SDK1: variants seen among roughly 807,000 people sequenced by gnomAD.
SDK1 encodes the protein sidekick cell adhesion molecule 1.
In SDK1, 157 loss-of-function variants were observed where a neutral mutation model predicts 245.5. That is an observed-to-expected ratio of 0.64 (90% confidence interval 0.56 to 0.73). The LOEUF (loss-of-function observed/expected upper bound fraction) is 0.73, where lower values mean the gene tolerates loss of function less well. Ranked by LOEUF, SDK1 falls within the 30% of genes least tolerant of loss-of-function variation. The pLI is 0.00. For synonymous variants in SDK1, 1,647 were observed against 1,278.5 expected, an observed-to-expected ratio of 1.29 and a Z score of -6.15; for missense variants, 3,583 against 3,002.3, an observed-to-expected ratio of 1.19 and a Z score of -4.52.
chr7:3,887,227 G>A (rs953833342), intron 5 of SDK1, among the ~76,000 whole-genome samples: 2 of 152,040 alleles, frequency 1.3e-5, no homozygotes, highest in Admixed American at 6.6e-5. Context: ...AGTAGCCCTG[G>A]CAAATCACAA....
chr7:3,698,284 T>C (rs1349645759), intron 4 of SDK1, among the ~76,000 whole-genome samples: 2 of 152,088 alleles, frequency 1.3e-5, no homozygotes, highest in Admixed American at 1.3e-4. Context: ...CCCATCAGAA[T>C]GGTAAGAAAG....
chr7:4,244,817 AG>A (rs1786745845), intron 43 of SDK1, among the ~76,000 whole-genome samples: 1 of 152,146 alleles, frequency 6.6e-6, no homozygotes, highest in African/African-American at 2.4e-5. Flanking sequence ...CGCATGACTG[AG>A]GGCCCCAGCC....
intron 44 of SDK1, among the ~76,000 whole-genome samples, chr7:4,247,630 G>A (rs903859423): frequency 2.0e-5 from 3 of 152,208 alleles, no homozygotes; most frequent in Admixed American, 6.5e-5. Flanking sequence ...CTGCTCTTTC[G>A]AGTATCCAGG....
chr7:3,515,618 A>G (rs991509097), intron 1 of SDK1, among the ~76,000 whole-genome samples: 9 of 152,214 alleles, frequency 5.9e-5, no homozygotes, highest in African/African-American at 2.2e-4. Flanking sequence ...TCCAAAATTT[A>G]AAACTGAAGG....
intron 1 of SDK1, among the ~76,000 whole-genome samples, chr7:3,436,464 C>G (rs1353646226): frequency 3.3e-5 from 5 of 152,042 alleles, no homozygotes; most frequent in Non-Finnish European, 7.4e-5. Flanking sequence ...TCATTCTAAT[C>G]TAATGATGAT....
In SDK1 at chr7:3,464,694, G is replaced by GTATATATATATA. The variant is rs1408954827; in HGVS notation, c.299-154383_299-154382insATATATATATAT. 2.9e-4 allele frequency among the ~76,000 whole-genome samples: 38 copies of GTATATATATATA among 131,650 alleles called. 2 individuals are homozygous for GTATATATATATA. The South Asian group carries it at 8.3e-3, about 29-fold the overall frequency. 86.4% of individuals were successfully genotyped at this position (131,650 alleles called of 152,430 possible). On this transcript the variant is annotated intron_variant, in intron 1 of 44. Coordinates refer to ENST00000404826, the MANE Select transcript of SDK1 (RefSeq NM_152744.4). ...TACATTATTCCCGTTCATTGTGTAT[G>GTATATATATATA]TATGTATATATATATATATATACAC... is the stretch of plus-strand genomic sequence containing the variant.
intron 14 of SDK1, among the ~76,000 whole-genome samples, chr7:3,999,326 C>G (rs1010439096): frequency 1.3e-5 from 2 of 152,294 alleles, no homozygotes; most frequent in South Asian, 4.1e-4. Flanking sequence ...CCAGGAGATA[C>G]CAGGAAGAGC....
chr7:3,993,482 A>G (rs1163165290), intron 14 of SDK1, among the ~76,000 whole-genome samples: 9 of 152,222 alleles, frequency 5.9e-5, no homozygotes, highest in Non-Finnish European at 1.3e-4. Flanking sequence ...TAATAGGATG[A>G]GTGTTCGTAA....
At chr7:3,403,775 C>T (rs1166811499) in intron 1 of SDK1, among the ~76,000 whole-genome samples, 1 of 137,108 alleles carries the variant, frequency 7.3e-6, no homozygotes, top group African/African-American at 2.7e-5. Flanking sequence ...TGACTGGATA[C>T]TGGGGTACTC....
chr7:4,083,745 C>CTTTACTTCCTCCCTCCCTT (rs1562785267), intron 22 of SDK1, among the ~76,000 whole-genome samples: 4 of 7,306 alleles, frequency 5.5e-4, no homozygotes, highest in Admixed American at 2.2e-3. Flanking sequence ...TCCCTCCCTT[C>CTTTACTTCCTCCCTCCCTT]CTTTACTTCC....
At chr7:3,869,064 T>C (rs780767814) in intron 5 of SDK1, among the ~76,000 whole-genome samples, 5 of 151,986 alleles carry the variant, frequency 3.3e-5, no homozygotes, top group African/African-American at 7.3e-5. Flanking sequence ...TGTACTGGGC[T>C]GCAAAGCGTT....
intron 1 of SDK1, among the ~76,000 whole-genome samples, chr7:3,315,226 G>C (rs191616749): frequency 3.0e-4 from 46 of 152,310 alleles, no homozygotes; most frequent in South Asian, 1.7e-3. Context: ...TGAGGTTAGA[G>C]TTCTTTGTAG....
intron 1 of SDK1, among the ~76,000 whole-genome samples, chr7:3,570,283 C>G (rs556886410): frequency 2.6e-5 from 4 of 152,268 alleles, no homozygotes; most frequent in African/African-American, 9.6e-5. Context: ...TAGTTAGATT[C>G]TCATAAGGAG....
intron 5 of SDK1, among the ~76,000 whole-genome samples, chr7:3,911,385 C>T (rs73674338): frequency 2.6e-5 from 4 of 152,142 alleles, no homozygotes; most frequent in South Asian, 2.1e-4. Context: ...ACTTACTGCT[C>T]ACAGTTCTGG....
chr7:3,334,615 C>T (rs1193201371), intron 1 of SDK1, among the ~76,000 whole-genome samples: 1 of 152,094 alleles, frequency 6.6e-6, no homozygotes, highest in Non-Finnish European at 1.5e-5. Flanking sequence ...GCACATGGCA[C>T]CATTCTTCAC....
rs1172549042 is a variant in SDK1, at chr7:4,051,644, G to T, written c.2725G>T (p.Ala909Ser). 1 of 1,609,864 alleles carries T rather than the reference G, an allele frequency of 6.2e-7. No individual in the cohort carries two copies. Among genetic ancestry groups the T allele is most frequent in the African/African-American group, 1.3e-5 (1 of 74,700 alleles). The change falls in exon 19 of 45, where the codon GCA becomes TCA. Residue 909 changes from alanine to serine, a missense_variant. Transcript: ENST00000404826. ...NGINQGYKLL[A>S]WPADAPEAVT... The stretch of plus-strand genomic sequence containing the variant: ...TCACCCTGTTCCATCTCAGCTTCTG[G>T]CATGGCCGGCAGATGCCCCCGAGGC...
At chr7:3,723,553 T>G (rs1778890191) in intron 4 of SDK1, among the ~76,000 whole-genome samples, 1 of 152,160 alleles carries the variant, frequency 6.6e-6, no homozygotes, top group Non-Finnish European at 1.5e-5. Context: ...TGATATAACC[T>G]TATGAACTTT....
chr7:3,335,792 A>G, intron 1 of SDK1, among the ~76,000 whole-genome samples: 1 of 152,144 alleles, frequency 6.6e-6, no homozygotes, highest in East Asian at 1.9e-4. Flanking sequence ...ATAGAAAAGA[A>G]AGATGAAGAA....
chr7:3,981,011 G>T (rs776900286), intron 13 of SDK1, among the ~76,000 whole-genome samples: 28 of 152,168 alleles, frequency 1.8e-4, no homozygotes, highest in Non-Finnish European at 3.2e-4. Flanking sequence ...TCTATTGCAT[G>T]CCTCAGGTAT....
Sources: gnomAD v4.1 joint callset for allele counts (sites outside exome capture counted in the v4.1 genomes callset) on GRCh38, gnomAD v4.1.1 for gene constraint, MANE v1.5 for transcripts, NCBI Gene and HGNC (gene_info 2026-07-23, HGNC 2026-07-21) for gene names.